The following ANKRD28 variants were observed in gnomAD, a reference collection of about 807,000 sequenced individuals.
ANKRD28 encodes serine/threonine-protein phosphatase 6 regulatory ankyrin repeat subunit A.
A neutral mutation model predicts 126.5 loss-of-function variants in ANKRD28; 44 were observed. The observed-to-expected ratio is 0.35, with a 90% CI of 0.27 to 0.45. The LOEUF (loss-of-function observed/expected upper bound fraction) is 0.45. Among genes scored for constraint, ANKRD28 ranks in the 20% least tolerant of loss-of-function variants. The pLI, the probability that ANKRD28 is intolerant of heterozygous loss-of-function variation, is 1.00. For missense variants in ANKRD28, 1,110 were observed against 1,316.6 expected (o/e 0.84, Z 2.43); for synonymous variants, 442 against 468.5 (o/e 0.94, Z 0.73).
chr3:15,767,220 G>C (rs1457628167), intron 2 of ANKRD28, among the ~76,000 whole-genome samples: 1 of 152,096 alleles, frequency 6.6e-6, no homozygotes, highest in Non-Finnish European at 1.5e-5. Context: ...CAAGATGCAA[G>C]ATTTTAGAGT....
Position 15,833,909 on chromosome 3 carries a change from T to C in ANKRD28, c.27+25468A>G, listed in dbSNP as rs901458814. On this transcript the variant is annotated intron_variant, in intron 1 of 27. Coordinates refer to the ANKRD28 transcript ENST00000399451. This position sits in a 1 kb window ranked among gnomAD's most constrained non-coding sequence, Gnocchi z 4.4. ...TGTCTTCTTTTGGAAAATGTCTGTT[T>C]GTGTTATTTGCCCATTTTTTAATGT... Among the ~76,000 whole-genome samples the C allele has an allele frequency of 6.6e-6, 1 of 152,182 alleles. No individual in the cohort carries two copies. Among genetic ancestry groups the C allele is most frequent in the Non-Finnish European group, 1.5e-5 (1 of 68,040 alleles).
intron 1 of ANKRD28, among the ~76,000 whole-genome samples, chr3:15,825,213 G>A (rs2061033910): frequency 6.6e-6 from 1 of 152,146 alleles, no homozygotes. Flanking sequence ...TGAAGAGAAA[G>A]AAAAGCAATT....
At chr3:15,748,252 C>CT (rs1284969349) in intron 4 of ANKRD28, among the ~76,000 whole-genome samples, 1 of 152,124 alleles carries the variant, frequency 6.6e-6, no homozygotes, top group East Asian at 1.9e-4. Context: ...GCCTGAATAC[C>CT]TTTTTTTAAA....
At chr3:15,728,196 A>C (rs1428284848) in intron 6 of ANKRD28, among the ~76,000 whole-genome samples, 2 of 152,230 alleles carry the variant, frequency 1.3e-5, no homozygotes, top group African/African-American at 4.8e-5. Flanking sequence ...AGAACACTGA[A>C]AATTAATAAA....
At chr3:15,793,676 C>T (rs1365764052) in intron 2 of ANKRD28, among the ~76,000 whole-genome samples, 1 of 152,050 alleles carries the variant, frequency 6.6e-6, no homozygotes, top group Non-Finnish European at 1.5e-5. Flanking sequence ...ACATGTTTTC[C>T]ACCTTTTCAT....
Position 15,670,154 on chromosome 3 carries a change from G to T in ANKRD28, c.*116C>A. ...AATGCCATCAGATCTCTTAACATTGGCTCACTGTGGGATCTTTCCTCTTAG... is the reference window on the plus strand; with the variant it reads ...AATGCCATCAGATCTCTTAACATTGTCTCACTGTGGGATCTTTCCTCTTAG... On this transcript the variant is annotated 3_prime_UTR_variant, in exon 28 of 28. Coordinates refer to ENST00000683139, the MANE Select transcript of ANKRD28 (RefSeq NM_001349278.2). 8.6e-7 allele frequency: 1 copy of T among 1,165,138 alleles called. No homozygotes were observed. Among genetic ancestry groups the T allele is most frequent in the Non-Finnish European group, 1.2e-6 (1 of 835,904 alleles). 72.2% of individuals were successfully genotyped at this position (1,165,138 alleles called of 1,614,324 possible).
At chr3:15,827,374 C>A (rs933191457) in intron 1 of ANKRD28, among the ~76,000 whole-genome samples, 1 of 151,980 alleles carries the variant, frequency 6.6e-6, no homozygotes, top group Non-Finnish European at 1.5e-5. Flanking sequence ...CCTAAGTGTC[C>A]ATCAATAAAT....
intron 1 of ANKRD28, among the ~76,000 whole-genome samples, chr3:15,804,853 A>G (rs2060543185): frequency 6.9e-6 from 1 of 145,674 alleles, no homozygotes. Context: ...GATGTGACAG[A>G]TGATAGCAAC....
chr3:15,798,721 A>G (rs953197133), upstream of ANKRD28, among the ~76,000 whole-genome samples: 2 of 152,052 alleles, frequency 1.3e-5, no homozygotes, highest in Admixed American at 1.3e-4. Flanking sequence ...CTCCCTCCCT[A>G]TAAATTTCCC....
intron 2 of ANKRD28, among the ~76,000 whole-genome samples, chr3:15,777,389 A>G (rs1477795351): frequency 6.6e-6 from 1 of 152,192 alleles, no homozygotes; most frequent in African/African-American, 2.4e-5. Context: ...ACACGGAATC[A>G]GGAATAAAAG....
chr3:15,828,655 CTG>C (rs1022210709), intron 1 of ANKRD28, among the ~76,000 whole-genome samples: 2 of 20,842 alleles, frequency 9.6e-5, no homozygotes, highest in African/African-American at 4.1e-4. Flanking sequence ...ATATTAGTAT[CTG>C]GGGGGGTGGG....
At chr3:15,714,460 A>G (rs2072743608) in intron 9 of ANKRD28, 118 bp downstream of exon 9, 1 of 731,978 alleles carries the variant, frequency 1.4e-6, no homozygotes, top group Non-Finnish European at 2.2e-6. Context: ...GAAATCATGT[A>G]TTAAAAATAC....
intron 6 of ANKRD28, among the ~76,000 whole-genome samples, chr3:15,734,244 T>C (rs923689229): frequency 1.3e-5 from 2 of 152,236 alleles, no homozygotes; most frequent in African/African-American, 4.8e-5. Context: ...GGATGGACTA[T>C]ATAGTTCTTG....
Position 15,707,940 on chromosome 3 carries a change from A to T in ANKRD28, c.1531T>A (p.Ser511Thr). 1 of 1,613,296 alleles carries T rather than the reference A, an allele frequency of 6.2e-7. No homozygotes were observed. The highest frequency in any genetic ancestry group is 8.5e-7 in the Non-Finnish European group (1 of 1,179,500). Residue 511 changes from serine (S) to threonine (T), a missense_variant, in exon 14 of 28, where the codon TCA becomes ACA. Physicochemically the swap from Ser to Thr is moderately conservative, Grantham distance 58. Transcript: ENST00000683139. ...GGTACTTACTTGCCATCTGTGTCTGATGTAGCTGCATAGTGCAGGGGTGTG... is the reference window on the plus strand; with the variant it reads ...GGTACTTACTTGCCATCTGTGTCTGTTGTAGCTGCATAGTGCAGGGGTGTG... ...GCTPLHYAAT[S>T]DTDGKCLEYL... is the part of the protein sequence containing the mutation.
intron 11 of ANKRD28, among the ~76,000 whole-genome samples, chr3:15,711,843 C>G (rs2470515): frequency 0.042 from 6,331 of 151,622 alleles, 429 homozygotes; most frequent in African/African-American, 0.14. Flanking sequence ...CTCACCACCA[C>G]GCCCAGCTAA....
chr3:15,779,334 T>A (rs2059438677), intron 2 of ANKRD28, among the ~76,000 whole-genome samples: 1 of 152,154 alleles, frequency 6.6e-6, no homozygotes. Context: ...ACCAGCATAG[T>A]AACTGGCACA....
chr3:15,677,610 T>G, intron 24 of ANKRD28, 48 bp from the exon 25 acceptor site: 1 of 1,399,210 alleles, frequency 7.1e-7, no homozygotes, highest in Non-Finnish European at 1.0e-6. Flanking sequence ...ACATGTTTCT[T>G]AGATTACCAA....
chr3:15,775,275 A>T (rs1388715198), intron 2 of ANKRD28, among the ~76,000 whole-genome samples: 1 of 152,240 alleles, frequency 6.6e-6, no homozygotes, highest in Non-Finnish European at 1.5e-5. Context: ...AGCAAGCTAA[A>T]ATAACAACAT....
At chr3:15,705,967 C>A (rs777515217) in intron 14 of ANKRD28, among the ~76,000 whole-genome samples, 1 of 152,066 alleles carries the variant, frequency 6.6e-6, no homozygotes, top group Non-Finnish European at 1.5e-5. Flanking sequence ...CAGCACTGCA[C>A]TCCACCCTGG....
Sources: gnomAD v4.1 joint callset for allele counts (sites outside exome capture counted in the v4.1 genomes callset) on GRCh38, gnomAD v4.1.1 for gene constraint, Gnocchi (gnomAD v3.1) non-coding constraint, MANE v1.5 for transcripts, NCBI Gene and HGNC (gene_info 2026-07-23, HGNC 2026-07-21) for gene names.